APP: variants seen among roughly 807,000 people sequenced by gnomAD.
APP encodes amyloid-beta precursor protein.
APP carries 31 observed loss-of-function variants against 101.4 expected under a neutral mutation model. The ratio of observed to expected loss-of-function variants is 0.31; its 90% CI spans 0.23 to 0.41. APP has a LOEUF of 0.41. Ranked by LOEUF, APP falls within the 10% of genes least tolerant of loss-of-function variation. The probability of loss-of-function intolerance (pLI) is 1.00; values close to 1 mark genes in which losing one functional copy is unlikely to be tolerated. For synonymous variants in APP, 366 were observed against 364.4 expected, an observed-to-expected ratio of 1.00 and a Z score of -0.05; for missense variants, 839 against 1,003.7, an observed-to-expected ratio of 0.84 and a Z score of 2.22.
At chr21:26,076,853 G>A (rs1011433943) in intron 3 of APP, among the ~76,000 whole-genome samples, 5 of 152,084 alleles carry the variant, frequency 3.3e-5, no homozygotes, top group Admixed American at 6.5e-5. Context: ...CACGAGATCA[G>A]GAGATGGAGA....
intron 17 of APP, among the ~76,000 whole-genome samples, chr21:25,887,527 A>AAC (rs1240405225): frequency 1.3e-5 from 2 of 151,330 alleles, no homozygotes; most frequent in African/African-American, 4.9e-5. Flanking sequence ...GAAAAAAAAA[A>AAC]AAAAAAAAAA....
At chr21:26,105,562 G>C (rs1017697404) in intron 2 of APP, among the ~76,000 whole-genome samples, 1 of 151,222 alleles carries the variant, frequency 6.6e-6, no homozygotes, top group Non-Finnish European at 1.5e-5. Flanking sequence ...TCCAACACAC[G>C]CATGAAAATC....
chr21:25,906,929 G>A (rs892747446), intron 14 of APP, among the ~76,000 whole-genome samples: 2 of 152,126 alleles, frequency 1.3e-5, no homozygotes, highest in African/African-American at 2.4e-5. Context: ...GTGTACCTGT[G>A]GTTTAAATGC....
chr21:26,042,150 A>G (rs2045400731), intron 5 of APP, among the ~76,000 whole-genome samples: 1 of 152,194 alleles, frequency 6.6e-6, no homozygotes, highest in South Asian at 2.1e-4. Context: ...TGAGCATTTA[A>G]TATCATTTCT....
intron 11 of APP, among the ~76,000 whole-genome samples, chr21:25,963,695 A>G (rs2041677692): frequency 6.6e-6 from 1 of 152,204 alleles, no homozygotes; most frequent in African/African-American, 2.4e-5. Flanking sequence ...GCAGGTTTAA[A>G]AATCACACTT....
intron 13 of APP, among the ~76,000 whole-genome samples, chr21:25,925,536 A>G (rs2039852225): frequency 6.6e-6 from 1 of 152,148 alleles, no homozygotes; most frequent in South Asian, 2.1e-4. Context: ...ACTCTCATGC[A>G]TGTTACCATC....
intron 11 of APP, among the ~76,000 whole-genome samples, chr21:25,960,575 C>T (rs958415767): frequency 1.3e-5 from 2 of 152,104 alleles, no homozygotes; most frequent in Admixed American, 1.3e-4. Flanking sequence ...ACAGCTGTTA[C>T]GGAGGCCTGC....
intron 2 of APP, among the ~76,000 whole-genome samples, chr21:26,091,570 G>A (rs1410893369): frequency 6.6e-6 from 1 of 152,122 alleles, no homozygotes; most frequent in Non-Finnish European, 1.5e-5. Flanking sequence ...CAGCAAATGA[G>A]CAGCTACACC....
chr21:25,889,998 A>T (rs912272548), intron 17 of APP, among the ~76,000 whole-genome samples: 1 of 152,252 alleles, frequency 6.6e-6, no homozygotes, highest in East Asian at 1.9e-4. Flanking sequence ...TTAAAAATTA[A>T]TTTGAGCAGA....
At chr21:26,032,593 G>A (rs918176385) in intron 5 of APP, among the ~76,000 whole-genome samples, 7 of 152,042 alleles carry the variant, frequency 4.6e-5, no homozygotes, top group African/African-American at 4.8e-5. Context: ...GGGATGGTGT[G>A]AACAGCCAAT....
At chr21:25,999,878 A>G (rs1271611188) in intron 7 of APP, 137 bp downstream of exon 7, 16 of 989,344 alleles carry the variant, frequency 1.6e-5, no homozygotes, top group Non-Finnish European at 2.2e-5. Context: ...CTGAGCAATT[A>G]GAGAAGTGGA....
At chr21:26,053,181 G>A in intron 4 of APP, 55 bp downstream of exon 4, 3 of 1,313,074 alleles carry the variant, frequency 2.3e-6, no homozygotes, top group Non-Finnish European at 1.1e-6. Context: ...ATGCCATTAA[G>A]CACGTCCCCA....
At chr21:26,060,000 G>T (rs1483465743) in intron 3 of APP, among the ~76,000 whole-genome samples, 7 of 147,428 alleles carry the variant, frequency 4.7e-5, no homozygotes, top group African/African-American at 9.9e-5. Flanking sequence ...AGAATTAAAT[G>T]AATTAATATC....
In APP at chr21:25,997,226, G is replaced by C. The variant is rs540902265; in HGVS notation, c.1090+134C>G. 2.3e-5 allele frequency: 20 copies of C among 868,682 alleles called. No homozygotes were observed. In the African/African-American group the frequency reaches 3.3e-4, roughly 14 times the overall value. 53.8% of individuals were successfully genotyped at this position (868,682 alleles called of 1,614,324 possible). On this transcript the variant is annotated intron_variant, in intron 8 of 17. Coordinates refer to ENST00000346798, the MANE Select transcript of APP (RefSeq NM_000484.4). ...CAGATGTAATTACAAGCAAGGTAATGGGAAGAAACATTTTACTAAGACAGG... is the reference window on the plus strand; with the variant it reads ...CAGATGTAATTACAAGCAAGGTAATCGGAAGAAACATTTTACTAAGACAGG...
chr21:26,126,050 G>A (rs2062675830), intron 1 of APP, among the ~76,000 whole-genome samples: 1 of 152,234 alleles, frequency 6.6e-6, no homozygotes. Flanking sequence ...CCCTTGGGCA[G>A]GAGGGGTATT....
intron 2 of APP, among the ~76,000 whole-genome samples, chr21:26,099,032 G>A (rs2062005067): frequency 6.6e-6 from 1 of 152,168 alleles, no homozygotes; most frequent in Non-Finnish European, 1.5e-5. Flanking sequence ...AGATAGATGG[G>A]AGGGTTCATT....
intron 5 of APP, among the ~76,000 whole-genome samples, chr21:26,031,328 T>C (rs1452774738): frequency 1.3e-5 from 2 of 152,214 alleles, no homozygotes; most frequent in East Asian, 1.9e-4. Context: ...TGAAGACCTA[T>C]TCCTTAGAAA....
At chr21:26,116,064 T>C (rs1271458566) in intron 1 of APP, among the ~76,000 whole-genome samples, 3 of 152,184 alleles carry the variant, frequency 2.0e-5, no homozygotes, top group Admixed American at 1.3e-4. Flanking sequence ...GTAAACTGAA[T>C]GACTTGCCAC....
intron 13 of APP, among the ~76,000 whole-genome samples, chr21:25,935,839 CAA>C (rs67114400): frequency 3.9e-5 from 3 of 77,036 alleles, no homozygotes; most frequent in East Asian, 4.1e-4. Context: ...GACTCTGTCT[CAA>C]AAAAAAAAAA....
Sources: gnomAD v4.1 joint callset for allele counts (sites outside exome capture counted in the v4.1 genomes callset) on GRCh38, gnomAD v4.1.1 for gene constraint, MANE v1.5 for transcripts, NCBI Gene and HGNC (gene_info 2026-07-23, HGNC 2026-07-21) for gene names.